Variants in BNC2 observed in about 807,000 individuals in gnomAD.
BNC2 encodes basonuclin zinc finger protein 2, also known as zinc finger protein basonuclin-2.
A neutral mutation model predicts 76.3 loss-of-function variants in BNC2; 20 were observed. The ratio of observed to expected loss-of-function variants is 0.26; its 90% CI spans 0.18 to 0.38. The LOEUF is 0.38. Ranked by LOEUF, BNC2 falls within the 10% of genes least tolerant of loss-of-function variation. The probability of loss-of-function intolerance (pLI) is 1.00; values close to 1 mark genes in which losing one functional copy is unlikely to be tolerated. For synonymous variants in BNC2, 582 were observed against 514.8 expected, an observed-to-expected ratio of 1.13 and a Z score of -1.77; for missense variants, 1,382 against 1,399.8, an observed-to-expected ratio of 0.99 and a Z score of 0.20.
chr9:16,518,578 AT>A (rs373462892), intron 5 of BNC2, among the ~76,000 whole-genome samples: 304 of 60,640 alleles, frequency 5.0e-3, no homozygotes, highest in African/African-American at 0.02. Context: ...ATATATATAT[AT>A]TTTTTGTTGT....
intron 3 of BNC2, among the ~76,000 whole-genome samples, chr9:16,610,485 A>T (rs1820514052): frequency 6.6e-6 from 1 of 152,210 alleles, no homozygotes; most frequent in African/African-American, 2.4e-5. Flanking sequence ...TATTTAAATT[A>T]CTATAATTTA....
chr9:16,861,666 C>T (rs1819413577), intron 1 of BNC2, among the ~76,000 whole-genome samples: 1 of 152,134 alleles, frequency 6.6e-6, no homozygotes, highest in African/African-American at 2.4e-5. Context: ...GATACTACTT[C>T]ACACCCACTA....
At chr9:16,774,729 C>A (rs1486051101) in intron 1 of BNC2, among the ~76,000 whole-genome samples, 1 of 152,180 alleles carries the variant, frequency 6.6e-6, no homozygotes, top group Non-Finnish European at 1.5e-5. Flanking sequence ...CCAGAGAGAT[C>A]TGGTAGCAGT....
intron 5 of BNC2, among the ~76,000 whole-genome samples, chr9:16,509,627 A>G (rs1822708229): frequency 6.6e-6 from 1 of 152,244 alleles, no homozygotes; most frequent in African/African-American, 2.4e-5. Context: ...AACCTGGGTA[A>G]AAGTAATTCT....
At chr9:16,818,189 G>A (rs1306717778) in intron 1 of BNC2, among the ~76,000 whole-genome samples, 2 of 152,174 alleles carry the variant, frequency 1.3e-5, no homozygotes, top group Non-Finnish European at 2.9e-5. Context: ...CAGATCACGA[G>A]GTCAGGAAAT....
intron 5 of BNC2, among the ~76,000 whole-genome samples, chr9:16,461,368 G>GT (rs1395921858): frequency 3.9e-5 from 6 of 152,278 alleles, no homozygotes; most frequent in African/African-American, 1.4e-4. Context: ...AGAAGAACAA[G>GT]TACAGAACTT....
At chr9:16,484,890 A>G (rs1587083112) in intron 5 of BNC2, among the ~76,000 whole-genome samples, 1 of 152,206 alleles carries the variant, frequency 6.6e-6, no homozygotes, top group South Asian at 2.1e-4. Flanking sequence ...GAGATTACTA[A>G]TAGGCATTGT....
At chr9:16,482,557 G>A (rs926095654) in intron 5 of BNC2, among the ~76,000 whole-genome samples, 2 of 152,188 alleles carry the variant, frequency 1.3e-5, no homozygotes, top group African/African-American at 4.8e-5. Flanking sequence ...GGTGATTGCA[G>A]ACACTGATTC....
chr9:16,557,779 T>C (rs541911083), intron 4 of BNC2, among the ~76,000 whole-genome samples: 5 of 152,228 alleles, frequency 3.3e-5, no homozygotes, highest in South Asian at 2.1e-4. Flanking sequence ...ACTCTGGTAA[T>C]AGAAGCTACA....
intron 1 of BNC2, among the ~76,000 whole-genome samples, chr9:16,838,523 T>C (rs1198296513): frequency 6.6e-6 from 1 of 152,156 alleles, no homozygotes; most frequent in African/African-American, 2.4e-5. Context: ...AGCACTCCAT[T>C]GCACTCCAGC....
intron 1 of BNC2, among the ~76,000 whole-genome samples, chr9:16,813,781 A>G (rs1288585163): frequency 2.0e-5 from 3 of 152,196 alleles, no homozygotes; most frequent in African/African-American, 7.2e-5. Context: ...TGCAAAGAAC[A>G]TAGGTTTTTC....
intron 5 of BNC2, among the ~76,000 whole-genome samples, chr9:16,471,932 G>C (rs945917493): frequency 3.3e-5 from 5 of 152,172 alleles, no homozygotes; most frequent in Admixed American, 6.5e-5. Flanking sequence ...CACAAGATCT[G>C]ATGGGTTTAT....
At chr9:16,537,511 TGAAA>T (rs978601663) in intron 5 of BNC2, among the ~76,000 whole-genome samples, 6 of 151,914 alleles carry the variant, frequency 3.9e-5, no homozygotes, top group Non-Finnish European at 7.4e-5. Context: ...ATATCAAAAA[TGAAA>T]GAAAGAACAC....
At chr9:16,467,493 T>C (rs1291725191) in intron 5 of BNC2, among the ~76,000 whole-genome samples, 3 of 124,144 alleles carry the variant, frequency 2.4e-5, no homozygotes, top group Non-Finnish European at 4.9e-5. Flanking sequence ...CATGGAATAC[T>C]ATGCAGCCAT....
chr9:16,507,250 CT>C (rs36072200), intron 5 of BNC2, among the ~76,000 whole-genome samples: 1,792 of 83,184 alleles, frequency 0.022, 7 homozygotes, highest in African/African-American at 0.083. Context: ...TGTCCATTTG[CT>C]TTTTTTTTTT....
intron 4 of BNC2, among the ~76,000 whole-genome samples, chr9:16,554,688 C>G (rs1421051012): frequency 6.6e-6 from 1 of 152,156 alleles, no homozygotes; most frequent in Non-Finnish European, 1.5e-5. Flanking sequence ...CTTAACTACT[C>G]AGCCTTCTGA....
At chr9:16,707,134 G>A (rs1012552956) in intron 3 of BNC2, among the ~76,000 whole-genome samples, 2 of 151,996 alleles carry the variant, frequency 1.3e-5, no homozygotes, top group South Asian at 2.1e-4. Flanking sequence ...TCCGGGAGGC[G>A]GAGCTTGCAG....
At chr9:16,505,017 C>T (rs1822596142) in intron 5 of BNC2, among the ~76,000 whole-genome samples, 1 of 152,196 alleles carries the variant, frequency 6.6e-6, no homozygotes, top group Admixed American at 6.5e-5. Context: ...AGGTTTGAAA[C>T]ACAACTATCT....
intron 3 of BNC2, among the ~76,000 whole-genome samples, chr9:16,662,215 G>C (rs1419068542): frequency 6.6e-6 from 1 of 152,210 alleles, no homozygotes; most frequent in Non-Finnish European, 1.5e-5. Context: ...CTAAATGGTA[G>C]ATGATGTGAT....
Sources: gnomAD v4.1 joint callset for allele counts (sites outside exome capture counted in the v4.1 genomes callset) on GRCh38, gnomAD v4.1.1 for gene constraint, MANE v1.5 for transcripts, NCBI Gene and HGNC (gene_info 2026-07-23, HGNC 2026-07-21) for gene names.